FAT1: variants seen among roughly 807,000 people sequenced by gnomAD.
FAT1 encodes the protein protocadherin Fat 1.
Under a neutral mutation model 329.8 loss-of-function variants are expected in FAT1, and 171 were observed. That is an observed-to-expected ratio of 0.52 (90% CI 0.46 to 0.59). FAT1 has a LOEUF of 0.59. FAT1 is among the 20% of genes least tolerant of loss of function. The pLI, the probability that FAT1 is intolerant of heterozygous loss-of-function variation, is 0.00. For missense variants in FAT1, 5,672 were observed against 5,774.4 expected, an observed-to-expected ratio of 0.98 and a Z score of 0.57; for synonymous variants, 2,233 against 2,228.6, an observed-to-expected ratio of 1.00 and a Z score of -0.06.
In FAT1 at chr4:186,689,895, T is replaced by C. The variant is rs372848391; in HGVS notation, c.3265+16668A>G. ...AAAATTAACACACCATGTGACTCTT[T>C]AAAAAGACTACCGCACTCACAAGCC... On this transcript the variant is annotated intron_variant, in intron 2 of 26. Transcript: ENST00000441802. 1.1e-4 allele frequency among the ~76,000 whole-genome samples: 17 copies of C among 152,270 alleles called. No individual in the cohort carries two copies. In the South Asian group the frequency reaches 3.3e-3, roughly 30 times the overall value.
intron 3 of FAT1, among the ~76,000 whole-genome samples, chr4:186,649,235 T>C (rs1269313782): frequency 1.3e-5 from 2 of 152,108 alleles, no homozygotes; most frequent in East Asian, 1.9e-4. Context: ...GACCAAATCA[T>C]TAAAGCCTGT....
At chr4:186,643,024 A>G (rs1481489720) in intron 3 of FAT1, among the ~76,000 whole-genome samples, 1 of 152,236 alleles carries the variant, frequency 6.6e-6, no homozygotes, top group Non-Finnish European at 1.5e-5. Context: ...ACTGTAAACT[A>G]GAGAGAAGAC....
chr4:186,620,071 A>G lies in FAT1; in HGVS notation c.6515T>C (p.Ile2172Thr). ...AGGCATGGCTTTATTCATGACAGTG[A>G]TCGGAACGATAACTTCCGCTGAAAA... ...PAFSAEVIVP[I>T]TVMNKAMPVF... The change falls in exon 10 of 27, where the codon ATC becomes ACC. Residue 2172 changes from isoleucine to threonine, a missense_variant. Physicochemically the swap from Ile to Thr is moderately conservative, Grantham distance 89. Transcript: ENST00000441802. The G allele has an allele frequency of 6.2e-7, 1 of 1,614,056 alleles. No individual in the cohort carries two copies. Among genetic ancestry groups the G allele is most frequent in the Non-Finnish European group, 8.5e-7 (1 of 1,179,902 alleles).
At chr4:186,597,609 G>T in intron 24 of FAT1, 73 bp downstream of exon 24, 3 of 984,494 alleles carry the variant, frequency 3.0e-6, no homozygotes, top group Non-Finnish European at 4.8e-6. Context: ...AATCACTGAA[G>T]GTCTGTTGCA....
intron 2 of FAT1, among the ~76,000 whole-genome samples, chr4:186,681,996 C>T (rs1342271302): frequency 6.6e-6 from 1 of 152,146 alleles, no homozygotes; most frequent in African/African-American, 2.4e-5. Flanking sequence ...CAAAAGAAGT[C>T]ATTGCTAGAA....
chr4:186,628,232 C>T lies in FAT1; in HGVS notation c.4732G>A (p.Gly1578Ser), dbSNP rs745582012. The change falls in exon 9 of 27, where the codon GGC becomes AGC. Residue 1578 changes from glycine (G) to serine (S), a missense_variant. Around this residue, in one of 2 missense-constraint regions of FAT1, gnomAD observed 3,966 missense variants for 3,915.2 expected, o/e 1.01. Coordinates refer to ENST00000441802, the MANE Select transcript of FAT1 (RefSeq NM_005245.4). ...GCCGTCACCTGCAACACAACTGAGC[C>T]AACGGCTGCCGATTCATAAACCCGC... is the stretch of plus-strand genomic sequence containing the variant. ...KGRVYESAAV[G>S]SVVLQVTALD... 13 of 1,613,860 alleles carry T rather than the reference C, an allele frequency of 8.1e-6. No individual in the cohort carries two copies. The African/African-American group carries it at 1.5e-4, about 18-fold the overall frequency.
rs563389849 is a variant in FAT1 at position 186,671,271 on chromosome 4, T to C, written c.3266-7658A>G. Among the ~76,000 whole-genome samples, 42 of 152,300 alleles carry C rather than the reference T, an allele frequency of 2.8e-4. 1 individual carries two copies. The South Asian group carries it at 6.2e-3, about 23-fold the overall frequency. On this transcript the variant is annotated intron_variant, in intron 2 of 26. Coordinates refer to ENST00000441802, the MANE Select transcript of FAT1 (RefSeq NM_005245.4). Reference sequence around the variant, plus strand: ...ACATGTTAAAGGCTAAAGATTTAAATAACAATCTAATTCAAAATATAATTT... The same window carrying C: ...ACATGTTAAAGGCTAAAGATTTAAACAACAATCTAATTCAAAATATAATTT...
chr4:186,601,808 C>T (rs1017904479), intron 20 of FAT1: 2 of 161,112 alleles, frequency 1.2e-5, no homozygotes, highest in African/African-American at 4.8e-5. Flanking sequence ...ATGCAAATGT[C>T]ATCAATCTCC....
intron 2 of FAT1, among the ~76,000 whole-genome samples, chr4:186,690,241 T>C (rs1743690447): frequency 6.6e-6 from 1 of 152,230 alleles, no homozygotes; most frequent in African/African-American, 2.4e-5. Flanking sequence ...ATTAGAATGC[T>C]GGTAATCTTA....
In FAT1 at chr4:186,621,735, G is replaced by T. The variant is rs1484753236; in HGVS notation, c.4851C>A (p.Gly1617=). Residue 1617 remains glycine, a synonymous_variant, in exon 10 of 27, where the codon GGC becomes GGA. Transcript: ENST00000441802. ...CTAATTCTTTGGCAGTTTTAATAGA[G>T]CCCAAGACAGGATCAATCATAAAAG... The part of the protein sequence containing the change: ...GNSFMIDPVL[G]SIKTAKELDR... 6.2e-7 allele frequency: 1 copy of T among 1,600,976 alleles called. No homozygotes were observed. Among genetic ancestry groups the T allele is most frequent in the South Asian group, 1.1e-5 (1 of 88,242 alleles).
intron 2 of FAT1, among the ~76,000 whole-genome samples, chr4:186,675,286 A>C (rs1437514039): frequency 1.3e-5 from 2 of 150,374 alleles, no homozygotes; most frequent in East Asian, 4.2e-4. Flanking sequence ...AACCCTCTTT[A>C]GGAAAGAAAT....
At position 186,715,107 on chromosome 4, in the gene FAT1, C is replaced by T. The variant is rs73015674; in HGVS notation, c.-18-5262G>A. 9.2e-3 allele frequency among the ~76,000 whole-genome samples: 1,402 copies of T among 151,722 alleles called. 27 individuals carry two copies. The highest frequency in any genetic ancestry group is 0.032 in the African/African-American group (1,326 of 41,210). The stretch of plus-strand genomic sequence containing the variant: ...ACAAAAAAAAAAGTACTTGCTGATG[C>T]GCCACGCTGCTTCCCCCTCCATCCC... On this transcript the variant is annotated intron_variant, in intron 1 of 26. Transcript: ENST00000441802.
intron 4 of FAT1, among the ~76,000 whole-genome samples, chr4:186,638,697 T>C (rs940260730): frequency 6.6e-6 from 1 of 151,740 alleles, no homozygotes; most frequent in Non-Finnish European, 1.5e-5. Flanking sequence ...TTAAGAAAAT[T>C]TGACCAAGGA....
intron 19 of FAT1, 21 bp downstream of exon 19, chr4:186,603,155 T>C (rs778775850): frequency 6.2e-7 from 1 of 1,611,388 alleles, no homozygotes; most frequent in East Asian, 2.2e-5. Context: ...ACACCGACTT[T>C]CATACACTCA....
At chr4:186,597,925 A>G in intron 23 of FAT1, 47 bp downstream of exon 23, 1 of 1,583,538 alleles carries the variant, frequency 6.3e-7, no homozygotes, top group South Asian at 1.2e-5. Context: ...TATGTTTAAG[A>G]ATTTTATACT....
chr4:186,614,457 T>G (rs1488783994), intron 11 of FAT1, 113 bp from the exon 12 acceptor site: 11 of 685,022 alleles, frequency 1.6e-5, no homozygotes, highest in Non-Finnish European at 2.4e-5. Context: ...ACATGGGAAA[T>G]GACTAAAGAT....
At chr4:186,607,776 T>A (rs868600183) in intron 16 of FAT1, among the ~76,000 whole-genome samples, 4 of 151,650 alleles carry the variant, frequency 2.6e-5, no homozygotes, top group Admixed American at 1.3e-4. Context: ...AATGGATGGA[T>A]GACTGGATAA....
In FAT1 at chr4:186,620,464, C is replaced by A. The variant is rs369383837; in HGVS notation, c.6122G>T (p.Arg2041Leu). The A allele has an allele frequency of 6.2e-7, 1 of 1,614,008 alleles. No homozygotes were observed. Among genetic ancestry groups the A allele is most frequent in the African/African-American group, 1.3e-5 (1 of 75,058 alleles). Residue 2041 changes from arginine to leucine, a missense_variant, in exon 10 of 27, where the codon CGT becomes CTT. Around this residue, in one of 2 missense-constraint regions of FAT1, gnomAD observed 3,966 missense variants for 3,915.2 expected, o/e 1.01. Coordinates refer to ENST00000441802, the MANE Select transcript of FAT1 (RefSeq NM_005245.4). ...CACATCAAACGCCTCCTGCTGCTCA[C>A]GATCGAAGGGCGTGCCAGTGGTTGA... ...VLSTTGTPFD[R>L]EQQEAFDVVV...
At position 186,706,903 on chromosome 4, in the gene FAT1, A is replaced by G. The variant is rs1184242884; in HGVS notation, c.2925T>C (p.Asp975=). The G allele has an allele frequency of 1.9e-6, 3 of 1,613,756 alleles. No individual in the cohort carries two copies. Among genetic ancestry groups the G allele is most frequent in the East Asian group, 2.2e-5 (1 of 44,892 alleles). The part of the protein sequence containing the change: ...SLLDHGEGNF[D]VDKLSGAVRI... ...TAACTGCTCCACTGAGTTTATCCAC[A>G]TCGAAGTTTCCTTCTCCGTGGTCCA... The change falls in exon 2 of 27, where the codon GAT becomes GAC. Residue 975 remains aspartate (D), a synonymous_variant. Transcript: ENST00000441802.
Sources: gnomAD v4.1 joint callset for allele counts (sites outside exome capture counted in the v4.1 genomes callset) on GRCh38, gnomAD v4.1.1 for gene constraint, gnomAD v4.1.1 regional missense constraint, MANE v1.5 for transcripts, NCBI Gene and HGNC (gene_info 2026-07-23, HGNC 2026-07-21) for gene names.